The following PRKG1 variants were observed in gnomAD, a reference collection of about 807,000 sequenced individuals.
PRKG1 encodes the protein cGMP-dependent protein kinase 1.
In PRKG1, 35 loss-of-function variants were observed where a neutral mutation model predicts 88.1. The ratio of observed to expected loss-of-function variants is 0.40; its 90% confidence interval spans 0.30 to 0.53. PRKG1 has a LOEUF of 0.53. PRKG1 is among the 20% of genes least tolerant of loss of function. The pLI, the probability that PRKG1 is intolerant of heterozygous loss-of-function variation, is 0.59. For missense variants in PRKG1, 540 were observed against 839.8 expected, an observed-to-expected ratio of 0.64 and a Z score of 4.41; for synonymous variants, 303 against 292.5, an observed-to-expected ratio of 1.04 and a Z score of -0.37.
At chr10:51,064,132 T>C (rs1466438214) in intron 1 of PRKG1, among the ~76,000 whole-genome samples, 2 of 152,110 alleles carry the variant, frequency 1.3e-5, no homozygotes, top group South Asian at 2.1e-4. Flanking sequence ...TTTCTACATA[T>C]AGAAAGGCAT....
chr10:51,902,875 T>A (rs1842009486), intron 4 of PRKG1, among the ~76,000 whole-genome samples: 1 of 152,144 alleles, frequency 6.6e-6, no homozygotes, highest in Admixed American at 6.6e-5. Context: ...AACTCCAATT[T>A]ATGGAAATAG....
intron 3 of PRKG1, among the ~76,000 whole-genome samples, chr10:51,619,448 A>G (rs1045263551): frequency 3.3e-5 from 5 of 152,176 alleles, no homozygotes; most frequent in Admixed American, 2.6e-4. Context: ...TCTGAAAGAC[A>G]TTTTTGTTTT....
chr10:52,173,703 A>G (rs1436608803), intron 9 of PRKG1, among the ~76,000 whole-genome samples: 1 of 152,190 alleles, frequency 6.6e-6, no homozygotes, highest in Non-Finnish European at 1.5e-5. Flanking sequence ...CAGCCAGCCT[A>G]TTCCCTAGTA....
chr10:51,232,736 G>A (rs1463320077), intron 2 of PRKG1, among the ~76,000 whole-genome samples: 2 of 152,098 alleles, frequency 1.3e-5, no homozygotes, highest in Non-Finnish European at 1.5e-5. Flanking sequence ...AAAATTGAGT[G>A]CAAATTCTTG....
At chr10:51,789,398 G>A (rs1015362393) in intron 3 of PRKG1, among the ~76,000 whole-genome samples, 2 of 152,178 alleles carry the variant, frequency 1.3e-5, no homozygotes, top group African/African-American at 4.8e-5. Flanking sequence ...AATGTGAGGT[G>A]TTTGGAGCTT....
chr10:51,704,650 A>T (rs1304509697), intron 3 of PRKG1, among the ~76,000 whole-genome samples: 1 of 152,204 alleles, frequency 6.6e-6, no homozygotes, highest in Non-Finnish European at 1.5e-5. Context: ...TAGGTAGAAG[A>T]TGAAGAAAAT....
At chr10:51,115,817 C>A (rs1447435112) in intron 1 of PRKG1, among the ~76,000 whole-genome samples, 2 of 134,034 alleles carry the variant, frequency 1.5e-5, no homozygotes, top group African/African-American at 5.6e-5. Context: ...GCCTGGATGA[C>A]AGAGTGAGAC....
intron 3 of PRKG1, among the ~76,000 whole-genome samples, chr10:51,581,983 G>A (rs760679588): frequency 2.0e-4 from 30 of 151,806 alleles, no homozygotes; most frequent in Non-Finnish European, 3.1e-4. Context: ...CACAAAGCAC[G>A]TTTGTTTAGA....
chr10:51,386,272 T>A (rs1837246032), intron 2 of PRKG1, among the ~76,000 whole-genome samples: 1 of 152,166 alleles, frequency 6.6e-6, no homozygotes, highest in African/African-American at 2.4e-5. Flanking sequence ...TGACTGTTTC[T>A]ATAGCAGTCA....
At chr10:51,737,068 A>G (rs1268364038) in intron 3 of PRKG1, among the ~76,000 whole-genome samples, 1 of 152,238 alleles carries the variant, frequency 6.6e-6, no homozygotes, top group Admixed American at 6.5e-5. Flanking sequence ...AAACAGGTAT[A>G]TTTGAAGTTT....
intron 2 of PRKG1, among the ~76,000 whole-genome samples, chr10:51,289,727 T>G (rs1453719156): frequency 6.6e-6 from 1 of 151,258 alleles, no homozygotes; most frequent in Non-Finnish European, 1.5e-5. Flanking sequence ...GATGGGTGGG[T>G]GTGGGTGGTT....
intron 3 of PRKG1, among the ~76,000 whole-genome samples, chr10:51,508,984 A>G (rs538017912): frequency 3.2e-4 from 49 of 152,174 alleles, no homozygotes; most frequent in Non-Finnish European, 5.9e-4. Flanking sequence ...TCAGATTTCA[A>G]ATGACTTTCT....
At chr10:51,058,841 A>G (rs1277769373) in intron 1 of PRKG1, among the ~76,000 whole-genome samples, 3 of 152,182 alleles carry the variant, frequency 2.0e-5, no homozygotes, top group Non-Finnish European at 4.4e-5. Flanking sequence ...TGTATATCAC[A>G]CAAAAAGGGG....
chr10:51,479,870 T>C (rs1840305459), intron 3 of PRKG1, among the ~76,000 whole-genome samples: 1 of 152,072 alleles, frequency 6.6e-6, no homozygotes. Context: ...AATTTTAGGT[T>C]TCTCCCGATT....
At chr10:51,259,901 C>T (rs1380032390) in intron 2 of PRKG1, among the ~76,000 whole-genome samples, 1 of 152,014 alleles carries the variant, frequency 6.6e-6, no homozygotes, top group African/African-American at 2.4e-5. Flanking sequence ...ATGTAGTCAC[C>T]CCTCCTAAGT....
chr10:51,219,759 G>C (rs1033672061), intron 2 of PRKG1, among the ~76,000 whole-genome samples: 6 of 152,002 alleles, frequency 3.9e-5, no homozygotes, highest in Non-Finnish European at 7.4e-5. Context: ...AGGAGCATCT[G>C]TTTAAATTTC....
intron 3 of PRKG1, among the ~76,000 whole-genome samples, chr10:51,767,347 C>A (rs10999347): frequency 0.16 from 23,810 of 151,940 alleles, 2,664 homozygotes; most frequent in African/African-American, 0.32. Flanking sequence ...CTCTCTCTCT[C>A]TCTATATAAA....
intron 2 of PRKG1, among the ~76,000 whole-genome samples, chr10:51,295,167 C>T (rs1840687812): frequency 6.6e-6 from 1 of 152,000 alleles, no homozygotes. Context: ...TCTACTTTTG[C>T]AAATAATGCC....
At chr10:52,200,773 A>T (rs1350544450) in intron 9 of PRKG1, among the ~76,000 whole-genome samples, 1 of 152,120 alleles carries the variant, frequency 6.6e-6, no homozygotes, top group South Asian at 2.1e-4. Flanking sequence ...ATGATATCTC[A>T]TTGTGATTTA....
Sources: gnomAD v4.1 joint callset for allele counts (sites outside exome capture counted in the v4.1 genomes callset) on GRCh38, gnomAD v4.1.1 for gene constraint, MANE v1.5 for transcripts, NCBI Gene and HGNC (gene_info 2026-07-23, HGNC 2026-07-21) for gene names.